Variants in TMEM135 observed in about 807,000 individuals in gnomAD.
The protein encoded by TMEM135 is transmembrane protein 135.
Under a neutral mutation model 60.3 loss-of-function variants are expected in TMEM135, and 30 were observed. The ratio of observed to expected loss-of-function variants is 0.50; its 90% CI spans 0.37 to 0.68. The LOEUF is 0.68. Among genes scored for constraint, TMEM135 ranks in the 30% least tolerant of loss-of-function variants. The probability of loss-of-function intolerance (pLI) is 0.00; values close to 1 mark genes in which losing one functional copy is unlikely to be tolerated. For synonymous variants in TMEM135, 190 were observed against 186.7 expected, an observed-to-expected ratio of 1.02 and a Z score of -0.14; for missense variants, 468 against 548.8, an observed-to-expected ratio of 0.85 and a Z score of 1.47.
chr11:87,219,770 C>A (rs1565490497), intron 5 of TMEM135, among the ~76,000 whole-genome samples: 1 of 152,112 alleles, frequency 6.6e-6, no homozygotes. Context: ...AATAATCAGA[C>A]AATAGTTTTC....
intron 3 of TMEM135, among the ~76,000 whole-genome samples, chr11:87,076,948 G>A (rs1856885853): frequency 6.6e-6 from 1 of 152,166 alleles, no homozygotes. Context: ...AAACCAGGAA[G>A]TTGACATTAC....
At chr11:87,259,463 T>C (rs576306142) in intron 6 of TMEM135, among the ~76,000 whole-genome samples, 3 of 152,334 alleles carry the variant, frequency 2.0e-5, no homozygotes, top group African/African-American at 7.2e-5. Flanking sequence ...TACATTTTTT[T>C]CCTCTTCCAT....
At chr11:87,168,281 G>A (rs1169640058) in intron 5 of TMEM135, among the ~76,000 whole-genome samples, 1 of 151,924 alleles carries the variant, frequency 6.6e-6, no homozygotes, top group Non-Finnish European at 1.5e-5. Flanking sequence ...ATTTTTCGAA[G>A]GGTTTTTTGT....
intron 4 of TMEM135, among the ~76,000 whole-genome samples, chr11:87,120,605 C>T (rs1858030042): frequency 1.3e-5 from 2 of 150,476 alleles, no homozygotes; most frequent in South Asian, 2.1e-4. Context: ...GTAGTTGGGA[C>T]TACAAGCATG....
chr11:87,235,947 T>A (rs1518385), intron 5 of TMEM135, among the ~76,000 whole-genome samples: 9,871 of 151,990 alleles, frequency 0.065, 347 homozygotes, highest in African/African-American at 0.087. Context: ...TTTATGAGCT[T>A]TTCTTATTGA....
At chr11:87,062,298 C>T (rs1006657950) in intron 1 of TMEM135, among the ~76,000 whole-genome samples, 4 of 151,316 alleles carry the variant, frequency 2.6e-5, no homozygotes, top group African/African-American at 9.7e-5. Context: ...TCCACTGCAT[C>T]TAGCCCCTTT....
intron 6 of TMEM135, among the ~76,000 whole-genome samples, chr11:87,255,714 A>G (rs1266424598): frequency 3.3e-5 from 5 of 152,242 alleles, no homozygotes; most frequent in Admixed American, 2.0e-4. Context: ...AAGAGCTGCC[A>G]TGCAGTTGGC....
intron 6 of TMEM135, among the ~76,000 whole-genome samples, chr11:87,237,555 C>A (rs924526978): frequency 6.6e-6 from 1 of 151,790 alleles, no homozygotes; most frequent in South Asian, 2.1e-4. Flanking sequence ...TCCAACCATA[C>A]CAGAATTTTT....
rs753630346 is a variant in TMEM135 at position 87,071,598 on chromosome 11, C to A, written c.345C>A (p.Leu115=). Residue 115 remains leucine, a synonymous_variant, in exon 3 of 15, where the codon CTC becomes CTA. Transcript: ENST00000305494. ...AALPASYVAI[L]IERKSRRGLL... is the part of the protein sequence containing the mutation. The stretch of plus-strand genomic sequence containing the variant: ...TGCCAGCATCTTATGTGGCCATTCT[C>A]ATTGAAAGAAAAAGCAGGTAAAATT... The A allele has an allele frequency of 6.2e-7, 1 of 1,613,100 alleles. No homozygotes were observed. The highest frequency in any genetic ancestry group is 8.5e-7 in the Non-Finnish European group (1 of 1,179,686).
chr11:87,309,808 C>A, intron 10 of TMEM135, 136 bp downstream of exon 10: 2 of 933,748 alleles, frequency 2.1e-6, no homozygotes, highest in Non-Finnish European at 3.2e-6. Context: ...ATAACCAAAT[C>A]TATACAATAT....
chr11:87,160,817 T>A lies in TMEM135; in HGVS notation c.462+3411T>A, dbSNP rs571562755. On this transcript the variant is annotated intron_variant, in intron 5 of 14. Coordinates refer to ENST00000305494, the MANE Select transcript of TMEM135 (RefSeq NM_022918.4). The stretch of plus-strand genomic sequence containing the variant: ...ATTAAATGTTTAACTATGGTGATGT[T>A]CTTTATAAAGTCCTGTATAAGGAGT... Among the ~76,000 whole-genome samples, 7 of 152,332 alleles carry A rather than the reference T, an allele frequency of 4.6e-5. No individual in the cohort carries two copies. The South Asian group carries it at 1.4e-3, about 32-fold the overall frequency.
intron 4 of TMEM135, among the ~76,000 whole-genome samples, chr11:87,115,650 T>C (rs371180441): frequency 6.6e-6 from 1 of 152,164 alleles, no homozygotes; most frequent in African/African-American, 2.4e-5. Flanking sequence ...TTTAGAAGTA[T>C]TTACTCTTGA....
At chr11:87,244,804 C>A (rs1941222385) in intron 6 of TMEM135, among the ~76,000 whole-genome samples, 1 of 91,308 alleles carries the variant, frequency 1.1e-5, no homozygotes, top group South Asian at 3.6e-4. Flanking sequence ...AGAACCAGCT[C>A]CTGGATTCAT....
At chr11:87,152,957 CT>C (rs1192593191) in intron 4 of TMEM135, among the ~76,000 whole-genome samples, 3 of 152,072 alleles carry the variant, frequency 2.0e-5, no homozygotes, top group African/African-American at 7.2e-5. Flanking sequence ...TGTTAGGCAT[CT>C]TTTTTTATGC....
In TMEM135 at chr11:87,195,391, TTC is replaced by T. The variant is rs369638331; in HGVS notation, c.462+38003_462+38004del. Among the ~76,000 whole-genome samples the T allele has an allele frequency of 2.5e-3, 167 of 65,766 alleles. 2 individuals are homozygous for T. Among genetic ancestry groups the T allele is most frequent in the Middle Eastern group, 8.9e-3 (1 of 112 alleles). 43.1% of individuals were successfully genotyped at this position (65,766 alleles called of 152,430 possible). A position where few individuals can be genotyped will look rare whatever the true frequency, so the allele number is the denominator to read the frequency against. ...CTTCCTTCCTTCCTTCCTTCCTTCC[TTC>T]TCTCTCTCTCTCTCTCTGTTTCTCT... On this transcript the variant is annotated intron_variant, in intron 5 of 14. Transcript: ENST00000305494.
intron 12 of TMEM135, among the ~76,000 whole-genome samples, chr11:87,317,848 T>G (rs944264165): frequency 6.6e-6 from 1 of 152,106 alleles, no homozygotes; most frequent in Non-Finnish European, 1.5e-5. Flanking sequence ...AGAGAACACA[T>G]GAGCACTGTA....
At chr11:87,296,290 G>A (rs1942347175) in intron 7 of TMEM135, among the ~76,000 whole-genome samples, 2 of 152,160 alleles carry the variant, frequency 1.3e-5, no homozygotes, top group African/African-American at 4.8e-5. Flanking sequence ...AGTATATACT[G>A]TAGAAATGTT....
At chr11:87,207,945 A>T (rs975692903) in intron 5 of TMEM135, among the ~76,000 whole-genome samples, 1 of 152,184 alleles carries the variant, frequency 6.6e-6, no homozygotes, top group Admixed American at 6.5e-5. Flanking sequence ...GGTTTAGAGT[A>T]TGCAGCCCAG....
chr11:87,102,823 CTATAA>C (rs1857494792), intron 4 of TMEM135, among the ~76,000 whole-genome samples: 1 of 151,306 alleles, frequency 6.6e-6, no homozygotes, highest in South Asian at 2.1e-4. Context: ...TTACTCTTAG[CTATAA>C]TATATTTTGA....
Sources: gnomAD v4.1 joint callset for allele counts (sites outside exome capture counted in the v4.1 genomes callset) on GRCh38, gnomAD v4.1.1 for gene constraint, MANE v1.5 for transcripts, NCBI Gene and HGNC (gene_info 2026-07-23, HGNC 2026-07-21) for gene names.